The following CARMIL1 variants were observed in gnomAD, a reference collection of about 807,000 sequenced individuals.
The protein encoded by CARMIL1 is capping protein regulator and myosin 1 linker 1, also known as F-actin-uncapping protein LRRC16A.
Under a neutral mutation model 177.1 loss-of-function variants are expected in CARMIL1, and 90 were observed. That is an observed-to-expected ratio of 0.51 (90% confidence interval 0.43 to 0.61). The LOEUF is 0.61. Ranked by LOEUF, CARMIL1 falls within the 20% of genes least tolerant of loss-of-function variation. CARMIL1 has a pLI of 0.00. For synonymous variants in CARMIL1, 577 were observed against 606.2 expected (o/e 0.95, Z 0.71); for missense variants, 1,380 against 1,667.0 (o/e 0.83, Z 3.00).
chr6:25,539,540 G>A (rs970403230), intron 25 of CARMIL1, among the ~76,000 whole-genome samples: 1 of 145,788 alleles, frequency 6.9e-6, no homozygotes, highest in Non-Finnish European at 1.5e-5. Flanking sequence ...CAGGAGAATC[G>A]CTTGAACCCG....
intron 2 of CARMIL1, among the ~76,000 whole-genome samples, chr6:25,308,317 A>C (rs1303134595): frequency 6.6e-6 from 1 of 151,844 alleles, no homozygotes; most frequent in Non-Finnish European, 1.5e-5. Flanking sequence ...ACTGTGCCTG[A>C]GAAAGCTCTT....
intron 2 of CARMIL1, among the ~76,000 whole-genome samples, chr6:25,307,970 G>A (rs1227349190): frequency 6.6e-6 from 1 of 152,208 alleles, no homozygotes; most frequent in African/African-American, 2.4e-5. Flanking sequence ...GTTACGGCAG[G>A]TGGCTGTGGA....
chr6:25,368,049 C>T (rs1419194184), intron 2 of CARMIL1, among the ~76,000 whole-genome samples: 2 of 152,160 alleles, frequency 1.3e-5, no homozygotes, highest in African/African-American at 4.8e-5. Context: ...CGTGAGCCAC[C>T]GCACCCGGCT....
intron 5 of CARMIL1, among the ~76,000 whole-genome samples, chr6:25,442,431 C>A (rs1797849876): frequency 6.6e-6 from 1 of 151,180 alleles, no homozygotes; most frequent in African/African-American, 2.4e-5. Flanking sequence ...GACAACAAAT[C>A]CTCTGTCTTT....
chr6:25,582,387 C>G (rs1813208880), intron 31 of CARMIL1, among the ~76,000 whole-genome samples: 1 of 152,182 alleles, frequency 6.6e-6, no homozygotes, highest in Non-Finnish European at 1.5e-5. Flanking sequence ...TATTGTCCGT[C>G]TGGGTGATAT....
At chr6:25,613,817 C>T (rs964106988) in intron 36 of CARMIL1, among the ~76,000 whole-genome samples, 4 of 152,210 alleles carry the variant, frequency 2.6e-5, no homozygotes, top group East Asian at 3.9e-4. Context: ...CCTGTTAAAC[C>T]ATATCAGGGG....
At chr6:25,561,509 A>G (rs1811108944) in intron 29 of CARMIL1, among the ~76,000 whole-genome samples, 3 of 152,232 alleles carry the variant, frequency 2.0e-5, no homozygotes, top group African/African-American at 4.8e-5. Context: ...TACAGAACGC[A>G]TCTTTGTGAA....
At chr6:25,416,396 C>T (rs186397353) in intron 2 of CARMIL1, among the ~76,000 whole-genome samples, 202 of 152,280 alleles carry the variant, frequency 1.3e-3, no homozygotes, top group African/African-American at 4.6e-3. Flanking sequence ...GCTGGATGAC[C>T]TGCACAAATT....
intron 29 of CARMIL1, among the ~76,000 whole-genome samples, chr6:25,570,004 C>T (rs971506389): frequency 1.3e-5 from 2 of 151,982 alleles, no homozygotes; most frequent in South Asian, 2.1e-4. Context: ...GACGGAGTCT[C>T]GCTCTGTGGC....
chr6:25,606,962 T>C (rs1279333387), intron 35 of CARMIL1, among the ~76,000 whole-genome samples: 1 of 152,070 alleles, frequency 6.6e-6, no homozygotes, highest in African/African-American at 2.4e-5. Context: ...ATATTAGAAA[T>C]GGATTGGTCT....
At chr6:25,539,099 A>C (rs1345730801) in intron 25 of CARMIL1, among the ~76,000 whole-genome samples, 2 of 151,972 alleles carry the variant, frequency 1.3e-5, no homozygotes, top group African/African-American at 4.8e-5. Flanking sequence ...ATAAACCAGT[A>C]ATCATAAGTA....
In CARMIL1 at chr6:25,401,792, C is replaced by T. The variant is rs1305901238; in HGVS notation, c.139-18322C>T. Among the ~76,000 whole-genome samples the T allele has an allele frequency of 2.6e-5, 4 of 152,212 alleles. No homozygotes were observed. In the East Asian group the frequency reaches 7.7e-4, roughly 29 times the overall value. On this transcript the variant is annotated intron_variant, in intron 2 of 36. Transcript: ENST00000329474. ...CAGCCACCTCACTAATCGATCCTAA[C>T]TAAACCACCTTATCCTCTTCACCTT... is the stretch of plus-strand genomic sequence containing the variant.
At chr6:25,284,989 C>A in intron 2 of CARMIL1, 80 bp downstream of exon 2, 3 of 841,392 alleles carry the variant, frequency 3.6e-6, no homozygotes, top group Non-Finnish European at 3.9e-6. Context: ...AATTTTCATG[C>A]AGCATTACTT....
intron 26 of CARMIL1, among the ~76,000 whole-genome samples, chr6:25,546,626 GC>G (rs1196154231): frequency 1.4e-5 from 2 of 146,312 alleles, no homozygotes; most frequent in Non-Finnish European, 3.0e-5. Flanking sequence ...CTGCACTCCA[GC>G]CTGGGTGGCG....
intron 35 of CARMIL1, 76 bp from the exon 36 acceptor site, chr6:25,609,974 T>G: frequency 7.1e-7 from 1 of 1,402,832 alleles, no homozygotes; most frequent in Non-Finnish European, 9.5e-7. Context: ...TATTTTTATA[T>G]ATAGATTTAC....
At chr6:25,490,390 A>G (rs1253244739) in intron 13 of CARMIL1, among the ~76,000 whole-genome samples, 1 of 152,130 alleles carries the variant, frequency 6.6e-6, no homozygotes, top group African/African-American at 2.4e-5. Context: ...CTGAATCAGA[A>G]CTTTTCATAA....
At chr6:25,407,713 C>T (rs1190819286) in intron 2 of CARMIL1, among the ~76,000 whole-genome samples, 1 of 152,064 alleles carries the variant, frequency 6.6e-6, no homozygotes, top group African/African-American at 2.4e-5. Context: ...AACACGAAGG[C>T]TAAGGACATT....
chr6:25,293,046 C>A (rs1260142966), intron 2 of CARMIL1, among the ~76,000 whole-genome samples: 1 of 151,594 alleles, frequency 6.6e-6, no homozygotes, highest in Non-Finnish European at 1.5e-5. Context: ...TAGCTACAAT[C>A]TGAAGGATAA....
intron 12 of CARMIL1, among the ~76,000 whole-genome samples, chr6:25,483,995 C>G (rs1371578953): frequency 6.6e-6 from 1 of 152,062 alleles, no homozygotes; most frequent in Non-Finnish European, 1.5e-5. Flanking sequence ...TGAGCTCAAG[C>G]GATCTGCCTG....
Sources: gnomAD v4.1 joint callset for allele counts (sites outside exome capture counted in the v4.1 genomes callset) on GRCh38, gnomAD v4.1.1 for gene constraint, MANE v1.5 for transcripts, NCBI Gene and HGNC (gene_info 2026-07-23, HGNC 2026-07-21) for gene names.